The following RNF123 variants were observed in gnomAD, a reference collection of about 807,000 sequenced individuals.
RNF123 encodes the protein ring finger protein 123.
In RNF123, 86 loss-of-function variants were observed where a neutral mutation model predicts 168.5. The observed-to-expected ratio is 0.51, with a 90% CI of 0.43 to 0.61. The LOEUF (loss-of-function observed/expected upper bound fraction) is 0.61, where lower values mean the gene tolerates loss of function less well. Ranked by LOEUF, RNF123 falls within the 20% of genes least tolerant of loss-of-function variation. The pLI is 0.00. For synonymous variants in RNF123, 666 were observed against 689.1 expected, an observed-to-expected ratio of 0.97 and a Z score of 0.52; for missense variants, 1,419 against 1,729.7, an observed-to-expected ratio of 0.82 and a Z score of 3.19.
rs373687118 is a variant in RNF123, at chr3:49,702,158, A to G, written c.1557+14A>G. 2.9e-5 allele frequency: 47 copies of G among 1,613,842 alleles called. No homozygotes were observed. The highest frequency in any genetic ancestry group is 1.0e-4 in the Admixed American group (6 of 60,024). On this transcript the variant is annotated intron_variant, in intron 18 of 38. Coordinates refer to ENST00000327697, the MANE Select transcript of RNF123 (RefSeq NM_022064.5). ...GATGACAATGGGGTGAGTGACTCCC[A>G]GGAGCCCTGGGTGGGGCCCTGTGGG...
At position 49,699,395 on chromosome 3, in the gene RNF123, G is replaced by T. The variant is rs1013660581; in HGVS notation, c.765-73G>T. 1.2e-4 allele frequency: 156 copies of T among 1,310,394 alleles called. No homozygotes were observed. Among genetic ancestry groups the T allele is most frequent in the South Asian group, 3.9e-4 (30 of 76,662 alleles). 81.2% of individuals were successfully genotyped at this position (1,310,394 alleles called of 1,614,324 possible). On this transcript the variant is annotated intron_variant, in intron 10 of 38. Transcript: ENST00000327697. The surrounding 1 kb of genome is among the most constrained non-coding windows in gnomAD (Gnocchi z 4.8). The stretch of plus-strand genomic sequence containing the variant: ...TGCCCTAGAGCCCAGGCCCCGGGGT[G>T]GGGGGTGGGCAGTGGAGAGGGAGTA...
chr3:49,690,650 G>C (rs992598979), intron 1 of RNF123, among the ~76,000 whole-genome samples: 1 of 152,234 alleles, frequency 6.6e-6, no homozygotes, highest in African/African-American at 2.4e-5. Context: ...CTCCAGCCTT[G>C]TGGGGAGTAA....
In RNF123 at chr3:49,699,840, G is replaced by A; in HGVS notation, c.984+68G>A. ...CATGCTAGACACGCCCGTGGTAGAT[G>A]TGCCCTCACTGAGGGCTGCAGTGCT... On this transcript the variant is annotated intron_variant, in intron 12 of 38. Coordinates refer to ENST00000327697, the MANE Select transcript of RNF123 (RefSeq NM_022064.5). This position sits in a 1 kb window ranked among gnomAD's most constrained non-coding sequence, Gnocchi z 4.8. 6.7e-7 allele frequency: 1 copy of A among 1,499,996 alleles called. No homozygotes were observed. Among genetic ancestry groups the A allele is most frequent in the Non-Finnish European group, 9.2e-7 (1 of 1,084,716 alleles). 92.9% of individuals were successfully genotyped at this position (1,499,996 alleles called of 1,614,324 possible). A position where few individuals can be genotyped will look rare whatever the true frequency, so the allele number is the denominator to read the frequency against.
intron 3 of RNF123, among the ~76,000 whole-genome samples, chr3:49,694,379 C>A (rs767145335): frequency 6.6e-6 from 1 of 152,186 alleles, no homozygotes; most frequent in Non-Finnish European, 1.5e-5. Flanking sequence ...AATGTTATCC[C>A]GTGAGTATTT....
At chr3:49,689,990 G>A (rs1386500388) in intron 1 of RNF123, among the ~76,000 whole-genome samples, 4 of 152,206 alleles carry the variant, frequency 2.6e-5, no homozygotes, top group Non-Finnish European at 5.9e-5. Context: ...GAATGACTGA[G>A]TTTAATCAGA....
At chr3:49,703,352 TTGGAGGGGAGGGCTGTGGGGAG>T in intron 20 of RNF123, 53 bp from the exon 21 acceptor site, 2 of 1,208,896 alleles carry the variant, frequency 1.7e-6, no homozygotes, top group Non-Finnish European at 2.4e-6. Flanking sequence ...CTAGGCCAGA[TTGGAGGGGAGGGCTGTGGGGAG>T]GGTCTTCCTA....
intron 26 of RNF123, among the ~76,000 whole-genome samples, chr3:49,710,258 T>C (rs1473137949): frequency 1.3e-5 from 2 of 152,184 alleles, no homozygotes; most frequent in African/African-American, 2.4e-5. Flanking sequence ...TTATTGGCCA[T>C]TTGCATATCT....
At chr3:49,700,145 G>A in intron 12 of RNF123, 82 bp from the exon 13 acceptor site, 2 of 1,574,118 alleles carry the variant, frequency 1.3e-6, no homozygotes, top group Non-Finnish European at 1.7e-6. Flanking sequence ...CCTGAGGCTT[G>A]TGCCTTGGCC....
At chr3:49,700,814 C>T (rs1417723600) in intron 15 of RNF123, 105 bp downstream of exon 15, 1 of 1,201,540 alleles carries the variant, frequency 8.3e-7, no homozygotes, top group Non-Finnish European at 1.2e-6. Flanking sequence ...CTGGGAGCAT[C>T]AGGAGGACCA....
At chr3:49,704,935 A>G in intron 22 of RNF123, 49 bp from the exon 23 acceptor site, 2 of 1,539,576 alleles carry the variant, frequency 1.3e-6, no homozygotes, top group Non-Finnish European at 1.8e-6. Flanking sequence ...CCCGTGGGCC[A>G]AGGGAACCCT....
intron 8 of RNF123, 90 bp downstream of exon 8, chr3:49,698,616 C>T (rs2054314973): frequency 6.5e-7 from 1 of 1,546,744 alleles, no homozygotes; most frequent in Non-Finnish European, 8.9e-7. Context: ...GACTACAGGG[C>T]ACCAGGGAAG....
intron 4 of RNF123, 45 bp downstream of exon 4, chr3:49,697,267 G>A (rs1387907411): frequency 6.2e-7 from 1 of 1,602,064 alleles, no homozygotes; most frequent in Admixed American, 1.7e-5. Flanking sequence ...GCAGAGCTGG[G>A]ACGTAGCGGG....
At chr3:49,702,046 T>C (rs2054411744) in intron 17 of RNF123, 37 bp from the exon 18 acceptor site, 1 of 1,607,140 alleles carries the variant, frequency 6.2e-7, no homozygotes, top group Non-Finnish European at 8.5e-7. Flanking sequence ...CCCCATCTCC[T>C]GGAGCCTGAG....
chr3:49,693,990 A>G (rs1215725437), intron 3 of RNF123, among the ~76,000 whole-genome samples: 1 of 152,072 alleles, frequency 6.6e-6, no homozygotes. Flanking sequence ...TTCTTTGTAT[A>G]TTCTGGTTAT....
At position 49,702,626 on chromosome 3, in the gene RNF123, T is replaced by G. The variant is rs1330187841; in HGVS notation, c.1630-7T>G. 6 of 1,614,226 alleles carry G rather than the reference T, an allele frequency of 3.7e-6. No individual in the cohort carries two copies. In the East Asian group the frequency reaches 1.3e-4, roughly 36 times the overall value. On this transcript the variant is annotated splice_polypyrimidine_tract_variant and splice_region_variant and intron_variant, in intron 19 of 38. Coordinates refer to ENST00000327697, the MANE Select transcript of RNF123 (RefSeq NM_022064.5). ...ACCAATGCATGTTTCATGCCTGGTG[T>G]CCACAGAACATGCCCATGCTCTGCC...
intron 26 of RNF123, among the ~76,000 whole-genome samples, chr3:49,708,744 G>C (rs1039657148): frequency 1.3e-5 from 2 of 152,120 alleles, no homozygotes; most frequent in African/African-American, 4.8e-5. Context: ...CATTTTCCAG[G>C]CTGAATAATA....
At chr3:49,708,308 G>A (rs566304385) in intron 26 of RNF123, among the ~76,000 whole-genome samples, 137 of 152,116 alleles carry the variant, frequency 9.0e-4, no homozygotes, top group Non-Finnish European at 1.7e-3. Flanking sequence ...TCACATTGTC[G>A]TGCAGCCAAT....
At position 49,706,856 on chromosome 3, in the gene RNF123, G is replaced by A. The variant is rs769604940; in HGVS notation, c.2454G>A (p.Leu818=). 3 of 1,614,230 alleles carry A rather than the reference G, an allele frequency of 1.9e-6. No individual in the cohort carries two copies. The highest frequency in any genetic ancestry group is 2.5e-6 in the Non-Finnish European group (3 of 1,180,028). ...QKVFSEKLDH[L]SRRLAWVHAT... ...TTTTCTCAGAAAAGCTGGACCACCTGAGCCGCCGTCTTGCCTGGGTCCATG... is the reference window on the plus strand; with the variant it reads ...TTTTCTCAGAAAAGCTGGACCACCTAAGCCGCCGTCTTGCCTGGGTCCATG... Residue 818 remains leucine, a synonymous_variant, in exon 26 of 39, where the codon CTG becomes CTA. Coordinates refer to ENST00000327697, the MANE Select transcript of RNF123 (RefSeq NM_022064.5).
Position 49,699,872 on chromosome 3 carries a change from C to T in RNF123, c.984+100C>T, listed in dbSNP as rs532262254. ...CACTGAGGGCTGCAGTGCTGAGGTC[C>T]CACAGCATCACCTGGCGAGGGCCCC... On this transcript the variant is annotated intron_variant, in intron 12 of 38. Coordinates refer to ENST00000327697, the MANE Select transcript of RNF123 (RefSeq NM_022064.5). This position sits in a 1 kb window ranked among gnomAD's most constrained non-coding sequence, Gnocchi z 4.8. The T allele has an allele frequency of 8.0e-6, 10 of 1,248,194 alleles. No homozygotes were observed. In the Admixed American group the frequency reaches 9.3e-5, roughly 12 times the overall value. The allele number at this position is 1,248,194 out of a possible 1,614,324, so 77.3% of individuals were successfully genotyped here. A position where few individuals can be genotyped will look rare whatever the true frequency, so the allele number is the denominator to read the frequency against.
Sources: gnomAD v4.1 joint callset for allele counts (sites outside exome capture counted in the v4.1 genomes callset) on GRCh38, gnomAD v4.1.1 for gene constraint, Gnocchi (gnomAD v3.1) non-coding constraint, MANE v1.5 for transcripts, NCBI Gene and HGNC (gene_info 2026-07-23, HGNC 2026-07-21) for gene names.